Variants in USP35 observed in about 807,000 individuals in gnomAD.
The protein encoded by USP35 is ubiquitin specific peptidase 35.
A neutral mutation model predicts 83.8 loss-of-function variants in USP35; 69 were observed. The observed-to-expected ratio is 0.82, with a 90% CI of 0.68 to 1.01. The LOEUF is 1.01. Among genes scored for constraint, USP35 ranks in the 50% least tolerant of loss-of-function variants. The pLI is 0.00. For missense variants in USP35, 1,503 were observed against 1,362.5 expected (o/e 1.10, Z -1.62); for synonymous variants, 714 against 589.5 (o/e 1.21, Z -3.06).
intron 5 of USP35, 42 bp downstream of exon 5, chr11:78,200,276 G>T: frequency 1.3e-6 from 2 of 1,598,794 alleles, no homozygotes; most frequent in Non-Finnish European, 8.6e-7. Context: ...GCCCCTGCCT[G>T]CTGCCCCTGG....
chr11:78,225,264 T>TA, the USP35 span: 1 of 1,074,378 alleles, frequency 9.3e-7, no homozygotes, highest in East Asian at 2.4e-5. Flanking sequence ...CACTTACCCA[T>TA]ACCCTCACCA....
intron 6 of USP35, 67 bp from the exon 7 acceptor site, chr11:78,205,775 G>A (rs1487972493): frequency 1.9e-6 from 3 of 1,538,720 alleles, no homozygotes; most frequent in Middle Eastern, 2.3e-4. Flanking sequence ...CCTCCCAGAA[G>A]AGGTGGTAGT....
chr11:78,201,720 A>G (rs180963309), intron 6 of USP35, among the ~76,000 whole-genome samples: 6 of 152,328 alleles, frequency 3.9e-5, no homozygotes, highest in African/African-American at 1.2e-4. Flanking sequence ...GAAACCTACA[A>G]AGATGATACG....
chr11:78,219,526 G>A, downstream of USP35: 3 of 938,552 alleles, frequency 3.2e-6, no homozygotes, highest in Non-Finnish European at 5.0e-6. Flanking sequence ...GAAGAGCATG[G>A]CCTCTGCCTG....
chr11:78,225,224 A>G, the USP35 span: 68 of 1,490,990 alleles, frequency 4.6e-5, no homozygotes, highest in African/African-American at 1.4e-4. Context: ...AGGAGGATTC[A>G]TAAGTACTCA....
chr11:78,197,853 C>G, intron 2 of USP35, 83 bp from the exon 3 acceptor site: 2 of 1,522,028 alleles, frequency 1.3e-6, no homozygotes, highest in East Asian at 4.7e-5. Context: ...CAGCCCGGTT[C>G]GTTGGCTCCT....
chr11:78,204,112 G>A (rs1233369584), intron 6 of USP35, among the ~76,000 whole-genome samples: 1 of 151,628 alleles, frequency 6.6e-6, no homozygotes, highest in African/African-American at 2.4e-5. Context: ...GGATGGTCTC[G>A]ATCTCCTGAC....
At position 78,203,013 on chromosome 11, in the gene USP35, C is replaced by T. The variant is rs561467564; in HGVS notation, c.1197+2205C>T. ...TGAAGGTGCAGGCAGAGAGGAGGGA[C>T]CCTGCCCCGGGCACTGAGGAAAACC... On this transcript the variant is annotated intron_variant, in intron 6 of 10. Coordinates refer to ENST00000529308, the MANE Select transcript of USP35 (RefSeq NM_020798.4). Among the ~76,000 whole-genome samples the T allele has an allele frequency of 2.6e-5, 4 of 152,198 alleles. No individual in the cohort carries two copies. In the South Asian group the frequency reaches 8.3e-4, roughly 32 times the overall value.
At chr11:78,202,987 A>T (rs1435490549) in intron 6 of USP35, among the ~76,000 whole-genome samples, 1 of 152,182 alleles carries the variant, frequency 6.6e-6, no homozygotes, top group Non-Finnish European at 1.5e-5. Flanking sequence ...GAATGCTGTA[A>T]TGAAGGTGCA....
Position 78,209,799 on chromosome 11 carries a change from C to T in USP35, c.1944C>T (p.Ile648=). 1.9e-6 allele frequency: 3 copies of T among 1,613,846 alleles called. No homozygotes were observed. Among genetic ancestry groups the T allele is most frequent in the Non-Finnish European group, 2.5e-6 (3 of 1,179,916 alleles). The part of the protein sequence containing the change: ...VGPRRQRKHC[I]TEDTPPTSLY... ...CTCGGAGGCAAAGGAAACACTGCAT[C>T]ACAGAGGACACCCCCCCCACCAGCC... Residue 648 remains isoleucine (I), a synonymous_variant, in exon 10 of 11, where the codon ATC becomes ATT. Transcript: ENST00000529308.
At chr11:78,223,404 G>A in the USP35 span, 1 of 1,517,258 alleles carries the variant, frequency 6.6e-7, no homozygotes, top group South Asian at 1.3e-5. Context: ...GGGAAAGAAT[G>A]GACTTACCTT....
chr11:78,204,822 C>T (rs150690049), intron 6 of USP35, among the ~76,000 whole-genome samples: 9 of 152,290 alleles, frequency 5.9e-5, no homozygotes, highest in East Asian at 5.8e-4. Context: ...ATAAATTATC[C>T]GATAAATGAT....
At chr11:78,213,058 G>A (rs886571769) in intron 10 of USP35, among the ~76,000 whole-genome samples, 4 of 152,112 alleles carry the variant, frequency 2.6e-5, no homozygotes, top group South Asian at 2.1e-4. Context: ...TGTTTTGTGC[G>A]GGGGAATACA....
At chr11:78,215,799 A>C (rs1864106933), downstream of USP35, 1 of 152,658 alleles carries the variant, frequency 6.6e-6, no homozygotes, top group South Asian at 2.1e-4. Flanking sequence ...AGCGCTCCTG[A>C]GACCAGTCTG....
At position 78,209,817 on chromosome 11, in the gene USP35, C is replaced by CA. The variant is rs772920107; in HGVS notation, c.1963dup (p.Thr655AsnfsTer74). On this transcript the variant is annotated frameshift_variant, in exon 10 of 11. Coordinates refer to ENST00000529308, the MANE Select transcript of USP35 (RefSeq NM_020798.4). LOFTEE classifies it high-confidence loss of function. Reference sequence around the variant, plus strand: ...ACTGCATCACAGAGGACACCCCCCCCACCAGCCTGTACATCGAAGGCCTGG... The same window carrying CA: ...ACTGCATCACAGAGGACACCCCCCCCAACCAGCCTGTACATCGAAGGCCTGG... 36 of 1,612,964 alleles carry CA rather than the reference C, an allele frequency of 2.2e-5. No homozygotes were observed. The highest frequency in any genetic ancestry group is 8.9e-5 in the East Asian group (4 of 44,768).
At position 78,196,150 on chromosome 11, in the gene USP35, C is replaced by T. The variant is rs1263816847; in HGVS notation, c.-10-86C>T. ...GGCCCAGAAAGTTTGAGTTGCTTGC[C>T]CTAAGTCTCAGCACTCGGGGACTGC... On this transcript the variant is annotated intron_variant, in intron 1 of 10. Transcript: ENST00000529308. This position sits in a 1 kb window ranked among gnomAD's most constrained non-coding sequence, Gnocchi z 4.8. The T allele has an allele frequency of 2.1e-6, 3 of 1,463,238 alleles. No homozygotes were observed. The highest frequency in any genetic ancestry group is 1.4e-5 in the South Asian group (1 of 72,390). 90.6% of individuals were successfully genotyped at this position (1,463,238 alleles called of 1,614,324 possible). A position where few individuals can be genotyped will look rare whatever the true frequency, so the allele number is the denominator to read the frequency against.
At chr11:78,231,361 G>GTGTT in the USP35 span, among the ~76,000 whole-genome samples, 1 of 152,058 alleles carries the variant, frequency 6.6e-6, no homozygotes, top group Admixed American at 6.5e-5. Context: ...GTGTGTGTGT[G>GTGTT]TGTGTGTGTC....
chr11:78,199,473 C>A, intron 3 of USP35, 122 bp from the exon 4 acceptor site: 2 of 1,453,880 alleles, frequency 1.4e-6, no homozygotes, highest in Admixed American at 3.7e-5. Context: ...GACCCCGGGG[C>A]TGCCCTTTGC....
At chr11:78,205,717 T>TG (rs1046886768) in intron 6 of USP35, 125 bp from the exon 7 acceptor site, 68 of 992,254 alleles carry the variant, frequency 6.9e-5, no homozygotes, top group East Asian at 2.8e-4. Context: ...AGAACATCTG[T>TG]GGGGGGGTGT....
Sources: gnomAD v4.1 joint callset for allele counts (sites outside exome capture counted in the v4.1 genomes callset) on GRCh38, gnomAD v4.1.1 for gene constraint, Gnocchi (gnomAD v3.1) non-coding constraint, MANE v1.5 for transcripts, NCBI Gene and HGNC (gene_info 2026-07-23, HGNC 2026-07-21) for gene names.